The following ATP2B2 variants were observed in gnomAD, a reference collection of about 807,000 sequenced individuals.
The protein encoded by ATP2B2 is plasma membrane calcium-transporting ATPase 2.
ATP2B2 carries 15 observed loss-of-function variants against 120.0 expected under a neutral mutation model. That is an observed-to-expected ratio of 0.12 (90% confidence interval 0.08 to 0.19). The LOEUF (loss-of-function observed/expected upper bound fraction) is 0.19. Among genes scored for constraint, ATP2B2 ranks in the 10% least tolerant of loss-of-function variants. The probability of loss-of-function intolerance (pLI) is 1.00; values close to 1 mark genes in which losing one functional copy is unlikely to be tolerated. For synonymous variants in ATP2B2, 694 were observed against 700.3 expected (o/e 0.99, Z 0.14); for missense variants, 1,045 against 1,719.8 (o/e 0.61, Z 6.94).
At chr3:10,558,188 C>T (rs1227416408) in intron 2 of ATP2B2, among the ~76,000 whole-genome samples, 1 of 152,166 alleles carries the variant, frequency 6.6e-6, no homozygotes, top group Non-Finnish European at 1.5e-5. Context: ...GCTCAACCCC[C>T]CAGCACCCGC....
intron 2 of ATP2B2, among the ~76,000 whole-genome samples, chr3:10,430,690 A>G (rs2063287608): frequency 6.6e-6 from 1 of 151,624 alleles, no homozygotes; most frequent in Non-Finnish European, 1.5e-5. Context: ...TGGAGAAATC[A>G]CAGTATCAGA....
intron 1 of ATP2B2, among the ~76,000 whole-genome samples, chr3:10,620,130 C>T (rs767769287): frequency 6.6e-5 from 10 of 152,184 alleles, no homozygotes; most frequent in African/African-American, 1.9e-4. Flanking sequence ...TTTCTGGCTC[C>T]GCTGGGGAGG....
intron 2 of ATP2B2, among the ~76,000 whole-genome samples, chr3:10,594,445 T>C (rs1222386681): frequency 6.6e-6 from 1 of 151,922 alleles, no homozygotes; most frequent in Non-Finnish European, 1.5e-5. Flanking sequence ...GAAACCATCA[T>C]TCCCAGCAAA....
At chr3:10,603,128 AC>A (rs2068968905) in intron 2 of ATP2B2, among the ~76,000 whole-genome samples, 1 of 152,230 alleles carries the variant, frequency 6.6e-6, no homozygotes, top group South Asian at 2.1e-4. Flanking sequence ...AGCCCTGGTG[AC>A]CCCGGCCCTC....
chr3:10,499,496 G>A (rs961339420), intron 1 of ATP2B2, among the ~76,000 whole-genome samples: 4 of 152,202 alleles, frequency 2.6e-5, no homozygotes, highest in East Asian at 1.9e-4. Context: ...AAGTGCTTGC[G>A]GACACATTTT....
chr3:10,661,337 A>G (rs2070774950), intron 1 of ATP2B2, among the ~76,000 whole-genome samples: 1 of 152,208 alleles, frequency 6.6e-6, no homozygotes, highest in Non-Finnish European at 1.5e-5. Flanking sequence ...ATGACTGTAT[A>G]TCTAGAAAAC....
intron 1 of ATP2B2, among the ~76,000 whole-genome samples, chr3:10,701,292 G>A (rs1338034473): frequency 2.0e-5 from 3 of 152,120 alleles, no homozygotes; most frequent in Non-Finnish European, 4.4e-5. Context: ...CCTATATGCT[G>A]CACCCTCCTT....
chr3:10,481,698 C>T (rs928387729), intron 1 of ATP2B2, among the ~76,000 whole-genome samples: 4 of 152,100 alleles, frequency 2.6e-5, no homozygotes, highest in Non-Finnish European at 5.9e-5. Flanking sequence ...GGATTACAGG[C>T]GCCCGCCACC....
chr3:10,487,840 CA>C (rs1451511809), intron 1 of ATP2B2, among the ~76,000 whole-genome samples: 1 of 152,186 alleles, frequency 6.6e-6, no homozygotes, highest in African/African-American at 2.4e-5. Flanking sequence ...CAATAACCTG[CA>C]ATGGCTCCCA....
Position 10,502,771 on chromosome 3 carries a change from T to C in ATP2B2, c.-320+2694A>G, listed in dbSNP as rs189511631. On this transcript the variant is annotated intron_variant, in intron 1 of 22. Transcript: ENST00000360273. Reference sequence around the variant, plus strand: ...AGATCCTCTTCACTCTTTCTCGGAATCTTGCCACAAAATTCTAAGTTCTTG... The same window carrying C: ...AGATCCTCTTCACTCTTTCTCGGAACCTTGCCACAAAATTCTAAGTTCTTG... Among the ~76,000 whole-genome samples the C allele has an allele frequency of 2.1e-3, 324 of 152,340 alleles. 1 individual carries two copies. Among genetic ancestry groups the C allele is most frequent in the Non-Finnish European group, 3.0e-3 (207 of 68,032 alleles).
At chr3:10,396,236 G>A (rs1168131789) in intron 5 of ATP2B2, among the ~76,000 whole-genome samples, 1 of 152,258 alleles carries the variant, frequency 6.6e-6, no homozygotes, top group African/African-American at 2.4e-5. Flanking sequence ...TGTTTGCAAA[G>A]GACAGTCACA....
intron 2 of ATP2B2, among the ~76,000 whole-genome samples, chr3:10,540,099 C>G (rs1292044128): frequency 2.0e-5 from 3 of 152,262 alleles, no homozygotes; most frequent in South Asian, 4.1e-4. Flanking sequence ...ATTTATGCAG[C>G]CAACAGACAC....
At position 10,635,660 on chromosome 3, in the gene ATP2B2, G is replaced by A. The variant is rs970469402; in HGVS notation, c.-459-15699C>T. Among the ~76,000 whole-genome samples, 8 of 152,146 alleles carry A rather than the reference G, an allele frequency of 5.3e-5. No individual in the cohort carries two copies. The highest frequency in any genetic ancestry group is 9.7e-5 in the African/African-American group (4 of 41,414). On this transcript the variant is annotated intron_variant, in intron 1 of 21. Transcript: ENST00000646379. This position sits in a 1 kb window ranked among gnomAD's most constrained non-coding sequence, Gnocchi z 4.3. ...GCACCTCCCAGGTAGCATTTTGCAC[G>A]CGACAAGGACGCAGCATCCTCAGGC... is the stretch of plus-strand genomic sequence containing the variant.
chr3:10,604,371 T>C (rs1360267182), intron 2 of ATP2B2, among the ~76,000 whole-genome samples: 1 of 152,160 alleles, frequency 6.6e-6, no homozygotes, highest in Non-Finnish European at 1.5e-5. Context: ...TTGTTTCACT[T>C]CTCTGCCCCA....
In ATP2B2 at chr3:10,413,425, C is replaced by G. The variant is rs1036239328; in HGVS notation, c.200-2610G>C. 8.5e-5 allele frequency among the ~76,000 whole-genome samples: 13 copies of G among 152,358 alleles called. 1 individual carries two copies. Among genetic ancestry groups the G allele is most frequent in the African/African-American group, 2.4e-4 (10 of 41,592 alleles). On this transcript the variant is annotated intron_variant, in intron 2 of 22. Transcript: ENST00000360273. ...TGGTGCAGGCAAGCTCTTGGGATCC[C>G]ATGTCCTGCATGCAGTGAGAACGAA...
At chr3:10,526,977 C>A (rs1219214870) in intron 3 of ATP2B2, among the ~76,000 whole-genome samples, 1 of 152,176 alleles carries the variant, frequency 6.6e-6, no homozygotes, top group African/African-American at 2.4e-5. Flanking sequence ...AAGCTAGGTC[C>A]TATTATTATC....
intron 1 of ATP2B2, among the ~76,000 whole-genome samples, chr3:10,694,845 C>T (rs2071718140): frequency 6.6e-6 from 1 of 152,136 alleles, no homozygotes; most frequent in Admixed American, 6.5e-5. Flanking sequence ...CCCCCTTCCC[C>T]CCTCCCTCTC....
intron 2 of ATP2B2, among the ~76,000 whole-genome samples, chr3:10,599,403 A>G (rs1388765010): frequency 6.6e-6 from 1 of 152,088 alleles, no homozygotes; most frequent in Non-Finnish European, 1.5e-5. Flanking sequence ...CCTCTTCACT[A>G]GGAAGCTTTC....
In ATP2B2 at chr3:10,402,203, G is replaced by A. The variant is rs767261109; in HGVS notation, c.543C>T (p.Gly181=). ...NDWSKEKQFR[G]LQSRIEQEQK... is the part of the protein sequence containing the mutation. ...GTTCCTGCTCGATGCGGCTCTGCAG[G>A]CCCCGGAACTGTTTCTCTTTGCTCC... Residue 181 remains glycine, a synonymous_variant, in exon 4 of 23, where the codon GGC becomes GGT. Transcript: ENST00000360273. This position sits in a 1 kb window ranked among gnomAD's most constrained non-coding sequence, Gnocchi z 4.9. 2.4e-5 allele frequency: 39 copies of A among 1,614,166 alleles called. No homozygotes were observed. The highest frequency in any genetic ancestry group is 3.1e-5 in the Non-Finnish European group (36 of 1,180,046).
Sources: allele counts gnomAD v4.1 joint callset (sites outside exome capture counted in the v4.1 genomes callset), GRCh38; gene constraint gnomAD v4.1.1; non-coding constraint Gnocchi (gnomAD v3.1); transcripts MANE v1.5; gene names NCBI Gene and HGNC (gene_info 2026-07-23, HGNC 2026-07-21).